VPS13B: variants seen among roughly 807,000 people sequenced by gnomAD.
The protein encoded by VPS13B is vacuolar protein sorting 13 homolog B.
A neutral mutation model predicts 426.4 loss-of-function variants in VPS13B; 285 were observed. That is an observed-to-expected ratio of 0.67 (90% CI 0.61 to 0.74). The LOEUF (loss-of-function observed/expected upper bound fraction) is 0.74, where lower values mean the gene tolerates loss of function less well. VPS13B is among the 30% of genes least tolerant of loss of function. VPS13B has a pLI of 0.00. For missense variants in VPS13B, 4,537 were observed against 4,782.6 expected (o/e 0.95, Z 1.51); for synonymous variants, 1,676 against 1,676.4 (o/e 1.00, Z 0.01).
At position 99,273,713 on chromosome 8, in the gene VPS13B, GGC is replaced by G. The variant is rs1818732649; in HGVS notation, c.2516-484_2516-483del. On this transcript the variant is annotated intron_variant, in intron 17 of 61. Coordinates refer to ENST00000357162, the MANE Select transcript of VPS13B (RefSeq NM_152564.5). ...GAAGGAGAATTGCTTGAACCCGGGA[GGC>G]AGAGCTTGCAGAGCTTGCAGTGAGC... 2.6e-5 allele frequency among the ~76,000 whole-genome samples: 4 copies of G among 151,700 alleles called. No individual in the cohort carries two copies. In the South Asian group the frequency reaches 6.3e-4, roughly 24 times the overall value.
intron 3 of VPS13B, among the ~76,000 whole-genome samples, chr8:99,054,497 C>G (rs1431034236): frequency 1.3e-5 from 2 of 152,168 alleles, no homozygotes; most frequent in African/African-American, 2.4e-5. Flanking sequence ...TATTTTCATC[C>G]ATTCTGTAGG....
chr8:99,736,977 T>C (rs1035795951), intron 39 of VPS13B, among the ~76,000 whole-genome samples: 80 of 152,226 alleles, frequency 5.3e-4, no homozygotes, highest in African/African-American at 1.9e-3. Context: ...AAGCTGAGAT[T>C]CTATCAGGCA....
At chr8:99,832,836 C>T (rs920151355) in intron 52 of VPS13B, among the ~76,000 whole-genome samples, 184 bp downstream of exon 52, 3 of 152,062 alleles carry the variant, frequency 2.0e-5, no homozygotes, top group Non-Finnish European at 4.4e-5. Context: ...CTTGTCCCAG[C>T]ATACTACTTA....
At chr8:99,527,655 C>G (rs1422179803) in intron 30 of VPS13B, among the ~76,000 whole-genome samples, 1 of 151,984 alleles carries the variant, frequency 6.6e-6, no homozygotes, top group African/African-American at 2.4e-5. Context: ...GTCCTTGTCT[C>G]AAGCCAAAAG....
intron 23 of VPS13B, 40 bp from the exon 24 acceptor site, chr8:99,467,374 G>T: frequency 6.4e-7 from 1 of 1,573,488 alleles, no homozygotes; most frequent in South Asian, 1.1e-5. Flanking sequence ...TTGTCTTTTT[G>T]TTTGTGTGCT....
chr8:99,745,610 A>G (rs1456750968), intron 39 of VPS13B, among the ~76,000 whole-genome samples: 1 of 152,092 alleles, frequency 6.6e-6, no homozygotes, highest in Non-Finnish European at 1.5e-5. Context: ...AGAGTTCAAT[A>G]CTATCTGCAG....
At chr8:99,283,653 A>G (rs1489675536) in intron 19 of VPS13B, among the ~76,000 whole-genome samples, 1 of 152,154 alleles carries the variant, frequency 6.6e-6, no homozygotes, top group Non-Finnish European at 1.5e-5. Context: ...CCACAGTCAA[A>G]CAGCAGCTGT....
At chr8:99,655,055 T>C (rs1258213773) in intron 34 of VPS13B, among the ~76,000 whole-genome samples, 2 of 152,174 alleles carry the variant, frequency 1.3e-5, no homozygotes, top group Non-Finnish European at 2.9e-5. Context: ...TGTTCACTTG[T>C]AAATTATTTT....
chr8:99,795,269 C>CT (rs948832916), intron 43 of VPS13B, among the ~76,000 whole-genome samples: 1 of 152,142 alleles, frequency 6.6e-6, no homozygotes, highest in African/African-American at 2.4e-5. Flanking sequence ...TGTTGAAAAA[C>CT]TTTCTGCCAC....
intron 40 of VPS13B, 106 bp from the exon 41 acceptor site, chr8:99,776,665 CTATA>C (rs1466917662): frequency 3.0e-6 from 3 of 987,030 alleles, no homozygotes; most frequent in African/African-American, 3.2e-5. Flanking sequence ...AAAATATTGA[CTATA>C]GGATTTTCAG....
chr8:99,034,596 G>T (rs1345820562), intron 2 of VPS13B, among the ~76,000 whole-genome samples: 1 of 151,990 alleles, frequency 6.6e-6, no homozygotes, highest in Admixed American at 6.6e-5. Flanking sequence ...CAACTTTCTA[G>T]ACTACCAGTA....
chr8:99,848,462 C>T (rs1563506329), intron 54 of VPS13B, among the ~76,000 whole-genome samples: 1 of 152,160 alleles, frequency 6.6e-6, no homozygotes, highest in Non-Finnish European at 1.5e-5. Context: ...ATATAGTGGG[C>T]CCCATGTCTG....
intron 43 of VPS13B, among the ~76,000 whole-genome samples, chr8:99,799,765 T>C (rs927536041): frequency 2.0e-5 from 3 of 152,210 alleles, no homozygotes; most frequent in African/African-American, 7.2e-5. Flanking sequence ...TACTGAATAG[T>C]GAATGTTACA....
intron 51 of VPS13B, among the ~76,000 whole-genome samples, chr8:99,830,141 A>G (rs1425177873): frequency 6.6e-6 from 1 of 152,220 alleles, no homozygotes; most frequent in African/African-American, 2.4e-5. Flanking sequence ...TGGGAGATCC[A>G]CTGCTCTCTT....
chr8:99,751,745 G>T (rs1810407531), intron 39 of VPS13B, among the ~76,000 whole-genome samples: 1 of 152,148 alleles, frequency 6.6e-6, no homozygotes, highest in East Asian at 1.9e-4. Context: ...ATTGTGAAAA[G>T]TTAGAGTTTG....
chr8:99,369,870 T>C, intron 19 of VPS13B, among the ~76,000 whole-genome samples: 1 of 152,158 alleles, frequency 6.6e-6, no homozygotes, highest in East Asian at 1.9e-4. Flanking sequence ...TTTTATATAA[T>C]CCAAATAAAG....
intron 20 of VPS13B, 121 bp downstream of exon 20, chr8:99,384,438 CCA>C: frequency 1.3e-6 from 1 of 781,896 alleles, no homozygotes; most frequent in Non-Finnish European, 2.1e-6. Context: ...CTTTGTCTCC[CCA>C]CCTTACCCCT....
chr8:99,785,041 C>T (rs960876764), intron 43 of VPS13B, among the ~76,000 whole-genome samples: 1 of 152,068 alleles, frequency 6.6e-6, no homozygotes, highest in Non-Finnish European at 1.5e-5. Flanking sequence ...CAGTGAAAAA[C>T]TATGTCCAAG....
At chr8:99,031,948 T>C (rs1221931762) in intron 2 of VPS13B, among the ~76,000 whole-genome samples, 1 of 152,244 alleles carries the variant, frequency 6.6e-6, no homozygotes, top group African/African-American at 2.4e-5. Flanking sequence ...GTGGATCAAA[T>C]GCGAATTCTC....
Sources: gnomAD v4.1 joint callset for allele counts (sites outside exome capture counted in the v4.1 genomes callset) on GRCh38, gnomAD v4.1.1 for gene constraint, MANE v1.5 for transcripts, NCBI Gene and HGNC (gene_info 2026-07-23, HGNC 2026-07-21) for gene names.